ZNF423: variants seen among roughly 807,000 people sequenced by gnomAD.
The protein encoded by ZNF423 is Ebf-associated zinc finger protein.
In ZNF423, 12 loss-of-function variants were observed where a neutral mutation model predicts 95.8. The ratio of observed to expected loss-of-function variants is 0.13; its 90% CI spans 0.08 to 0.20. The LOEUF is 0.20. ZNF423 is among the 10% of genes least tolerant of loss of function. ZNF423 has a pLI of 1.00. For missense variants in ZNF423, 1,316 were observed against 1,737.1 expected, an observed-to-expected ratio of 0.76 and a Z score of 4.31; for synonymous variants, 749 against 711.9, an observed-to-expected ratio of 1.05 and a Z score of -0.83.
In ZNF423 at chr16:49,855,535, G is replaced by GCCGCCGCCTCCGCCTCCTGCTCCCGGCTT. The variant is rs1555490834; in HGVS notation, c.40+199_40+200insAAGCCGGGAGCAGGAGGCGGAGGCGGCGG. Among the ~76,000 whole-genome samples, 1 of 140,838 alleles carries GCCGCCGCCTCCGCCTCCTGCTCCCGGCTT rather than the reference G, an allele frequency of 7.1e-6. No homozygotes were observed. Among genetic ancestry groups the GCCGCCGCCTCCGCCTCCTGCTCCCGGCTT allele is most frequent in the African/African-American group, 2.7e-5 (1 of 37,204 alleles). 92.4% of individuals were successfully genotyped at this position (140,838 alleles called of 152,430 possible). ...CTCCGCCGCCGCCGCCGCCGCCGCC[G>GCCGCCGCCTCCGCCTCCTGCTCCCGGCTT]CCTCCGCCTCCTGCTCCCGGCTTCC... On this transcript the variant is annotated intron_variant, in intron 1 of 7. Transcript: ENST00000563137. This position sits in a 1 kb window ranked among gnomAD's most constrained non-coding sequence, Gnocchi z 4.7.
At chr16:49,673,146 A>G (rs1173455647) in intron 3 of ZNF423, among the ~76,000 whole-genome samples, 1 of 152,222 alleles carries the variant, frequency 6.6e-6, no homozygotes, top group African/African-American at 2.4e-5. Flanking sequence ...CAAATATGCT[A>G]AACACAGCCC....
At chr16:49,782,519 C>T (rs1303133177) in intron 2 of ZNF423, among the ~76,000 whole-genome samples, 2 of 152,208 alleles carry the variant, frequency 1.3e-5, no homozygotes, top group East Asian at 1.9e-4. Context: ...TCTCAGGCTG[C>T]GGGTCCATCA....
At chr16:49,642,258 G>GCC (rs971573383) in intron 3 of ZNF423, among the ~76,000 whole-genome samples, 13 of 152,202 alleles carry the variant, frequency 8.5e-5, no homozygotes, top group Admixed American at 8.5e-4. Context: ...TGAGGAACTG[G>GCC]CCCCCAGTAC....
At chr16:49,762,337 C>T (rs1466389989) in intron 2 of ZNF423, among the ~76,000 whole-genome samples, 1 of 152,198 alleles carries the variant, frequency 6.6e-6, no homozygotes, top group African/African-American at 2.4e-5. Flanking sequence ...GCAGTGTCCA[C>T]CTTTCCCCAT....
rs2031121281 is a variant in ZNF423, at chr16:49,677,285, A to AGAGAAGAGAAGAGAAGAGAT, written c.302-38412_302-38411insATCTCTTCTCTTCTCTTCTC. On this transcript the variant is annotated intron_variant, in intron 3 of 7. Coordinates refer to ENST00000563137, the MANE Select transcript of ZNF423 (RefSeq NM_001379286.1). ...AGAGAAGAGAAGAGAAGAGAAGAGA[A>AGAGAAGAGAAGAGAAGAGAT]GAGAAGAGAAGAGAAGAGAAGAGAA... Among the ~76,000 whole-genome samples, 11 of 87,590 alleles carry AGAGAAGAGAAGAGAAGAGAT rather than the reference A, an allele frequency of 1.3e-4. 1 individual carries two copies. The highest frequency in any genetic ancestry group is 4.5e-4 in the African/African-American group (10 of 22,286). The allele number at this position is 87,590 out of a possible 152,430, so 57.5% of individuals were successfully genotyped here. A position where few individuals can be genotyped will look rare whatever the true frequency, so the allele number is the denominator to read the frequency against.
chr16:49,657,426 T>C (rs6500237), intron 3 of ZNF423, among the ~76,000 whole-genome samples: 81,987 of 151,966 alleles, frequency 0.54, 23,186 homozygotes, highest in African/African-American at 0.71. Context: ...GGACCTGATG[T>C]GTGCATCATG....
intron 1 of ZNF423, among the ~76,000 whole-genome samples, chr16:49,817,939 C>T (rs965485896): frequency 3.3e-5 from 5 of 152,142 alleles, no homozygotes; most frequent in African/African-American, 4.8e-5. Context: ...TTCACAAATG[C>T]TCCATCTCTT....
chr16:49,659,035 T>C, intron 3 of ZNF423, among the ~76,000 whole-genome samples: 1 of 152,254 alleles, frequency 6.6e-6, no homozygotes, highest in East Asian at 1.9e-4. Flanking sequence ...TCTATATTAT[T>C]TATTTACTCA....
Position 49,758,573 on chromosome 16 carries a change from C to T in ZNF423, c.101-27602G>A, listed in dbSNP as rs753180292. On this transcript the variant is annotated intron_variant, in intron 2 of 7. Transcript: ENST00000563137. ...CCTGAACCACATAGTAAGACCCCAT[C>T]TCTACAAAAATTTTAAAAAATATCC... Among the ~76,000 whole-genome samples the T allele has an allele frequency of 2.0e-5, 3 of 152,242 alleles. No homozygotes were observed. In the South Asian group the frequency reaches 6.2e-4, roughly 32 times the overall value.
intron 3 of ZNF423, among the ~76,000 whole-genome samples, chr16:49,645,713 TC>T (rs1306725043): frequency 6.6e-6 from 1 of 152,176 alleles, no homozygotes; most frequent in Non-Finnish European, 1.5e-5. Context: ...GAATTGTAGT[TC>T]CCATAATCCC....
At chr16:49,676,993 G>A (rs112326713) in intron 3 of ZNF423, among the ~76,000 whole-genome samples, 1,726 of 151,518 alleles carry the variant, frequency 0.011, 16 homozygotes, top group Middle Eastern at 0.037. Context: ...CGAGGTGGGC[G>A]GATCACCTGA....
intron 3 of ZNF423, among the ~76,000 whole-genome samples, chr16:49,685,083 A>G (rs1596852413): frequency 6.6e-6 from 1 of 152,164 alleles, no homozygotes; most frequent in South Asian, 2.1e-4. Context: ...ATCTGGGGCC[A>G]TAACAAGCGG....
At chr16:49,610,557 A>C (rs905971336) in intron 5 of ZNF423, among the ~76,000 whole-genome samples, 59 of 152,224 alleles carry the variant, frequency 3.9e-4, no homozygotes, top group African/African-American at 1.3e-3. Context: ...ACTACAGATA[A>C]ACCAAAATAA....
chr16:49,750,524 C>T (rs1378958041), intron 2 of ZNF423, among the ~76,000 whole-genome samples: 1 of 152,136 alleles, frequency 6.6e-6, no homozygotes, highest in Non-Finnish European at 1.5e-5. Flanking sequence ...GCCAGAGCCC[C>T]CAGGGTCAGC....
At chr16:49,810,783 C>T (rs2034738064) in intron 1 of ZNF423, among the ~76,000 whole-genome samples, 1 of 152,218 alleles carries the variant, frequency 6.6e-6, no homozygotes, top group Admixed American at 6.5e-5. Flanking sequence ...TATTTGAGGG[C>T]AGTCGGCCCT....
At chr16:49,732,267 A>C (rs1267655076) in intron 2 of ZNF423, among the ~76,000 whole-genome samples, 2 of 152,242 alleles carry the variant, frequency 1.3e-5, no homozygotes, top group Non-Finnish European at 2.9e-5. Flanking sequence ...AATCTTACAG[A>C]TTAATAAGAC....
At chr16:49,701,484 G>T (rs1408991692) in intron 3 of ZNF423, among the ~76,000 whole-genome samples, 1 of 152,034 alleles carries the variant, frequency 6.6e-6, no homozygotes, top group African/African-American at 2.4e-5. Flanking sequence ...AGAGGGGAGG[G>T]GAGGGGAGCA....
At chr16:49,689,641 C>T (rs2031704762) in intron 3 of ZNF423, among the ~76,000 whole-genome samples, 1 of 152,092 alleles carries the variant, frequency 6.6e-6, no homozygotes, top group Non-Finnish European at 1.5e-5. Flanking sequence ...AGCCAGAGGC[C>T]AAGAGGCCTT....
At chr16:49,789,640 G>A in intron 1 of ZNF423, 94 bp from the exon 2 acceptor site, 5 of 1,280,838 alleles carry the variant, frequency 3.9e-6, no homozygotes, top group Non-Finnish European at 5.3e-6. Flanking sequence ...CATTTGTGGG[G>A]GTCCTTATTA....
Sources: gnomAD v4.1 joint callset for allele counts (sites outside exome capture counted in the v4.1 genomes callset) on GRCh38, gnomAD v4.1.1 for gene constraint, Gnocchi (gnomAD v3.1) non-coding constraint, MANE v1.5 for transcripts, NCBI Gene and HGNC (gene_info 2026-07-23, HGNC 2026-07-21) for gene names.